The following ASIC2 variants were observed in gnomAD, a reference collection of about 807,000 sequenced individuals.
ASIC2 encodes the protein acid-sensing ion channel 2.
ASIC2 carries 25 observed loss-of-function variants against 57.3 expected under a neutral mutation model. The ratio of observed to expected loss-of-function variants is 0.44; its 90% CI spans 0.32 to 0.61. The LOEUF is 0.61. ASIC2 is among the 20% of genes least tolerant of loss of function. The probability of loss-of-function intolerance (pLI) is 0.06; values close to 1 mark genes in which losing one functional copy is unlikely to be tolerated. For missense variants in ASIC2, 641 were observed against 738.1 expected (o/e 0.87, Z 1.52); for synonymous variants, 319 against 307.5 (o/e 1.04, Z -0.39).
chr17:33,579,770 G>A lies in ASIC2; in HGVS notation c.556-467703C>T, dbSNP rs181850511. Among the ~76,000 whole-genome samples, 247 of 152,296 alleles carry A rather than the reference G, an allele frequency of 1.6e-3. 5 individuals carry two copies. The highest frequency in any genetic ancestry group is 5.3e-4 in the Non-Finnish European group (36 of 68,036). On this transcript the variant is annotated intron_variant, in intron 1 of 9. Coordinates refer to the ASIC2 transcript ENST00000359872. The stretch of plus-strand genomic sequence containing the variant: ...AAACAGCAGCAAAACTCATTCAGAA[G>A]AGCAAAAGAACAAACTACCACACCG...
intron 1 of ASIC2, among the ~76,000 whole-genome samples, chr17:33,313,444 C>G (rs575995370): frequency 3.3e-5 from 5 of 152,086 alleles, no homozygotes; most frequent in Non-Finnish European, 4.4e-5. Flanking sequence ...TTATTCTTTT[C>G]TTACCCTTTA....
At chr17:33,379,548 G>C (rs117312606) in intron 1 of ASIC2, among the ~76,000 whole-genome samples, 1 of 152,058 alleles carries the variant, frequency 6.6e-6, no homozygotes, top group South Asian at 2.1e-4. Context: ...CTTCTGTTTC[G>C]CTCTTCAAAC....
At chr17:33,276,507 C>T (rs1904711372) in intron 1 of ASIC2, among the ~76,000 whole-genome samples, 1 of 152,218 alleles carries the variant, frequency 6.6e-6, no homozygotes, top group African/African-American at 2.4e-5. Context: ...TTACTGTGAT[C>T]AAGCCAGAGG....
chr17:33,521,411 A>G (rs1914738340), intron 1 of ASIC2, among the ~76,000 whole-genome samples: 1 of 152,220 alleles, frequency 6.6e-6, no homozygotes, highest in Non-Finnish European at 1.5e-5. Context: ...ACACAGGGAC[A>G]CAAGAGGTAC....
Position 33,740,862 on chromosome 17 carries a change from G to A in ASIC2, c.555+415116C>T, listed in dbSNP as rs564891888. The stretch of plus-strand genomic sequence containing the variant: ...TGGCTATATAGGAAAATGAATCTAG[G>A]ACTCTGCTAGAGTCTCTAAAAATAT... On this transcript the variant is annotated intron_variant, in intron 1 of 9. Coordinates refer to the ASIC2 transcript ENST00000359872. Among the ~76,000 whole-genome samples, 14 of 152,280 alleles carry A rather than the reference G, an allele frequency of 9.2e-5. No individual in the cohort carries two copies. The East Asian group carries it at 2.3e-3, about 25-fold the overall frequency.
chr17:33,213,331 C>T (rs1334868245), intron 1 of ASIC2, among the ~76,000 whole-genome samples: 1 of 152,190 alleles, frequency 6.6e-6, no homozygotes, highest in Non-Finnish European at 1.5e-5. Flanking sequence ...GATCTGAAGG[C>T]TCTGAAGATG....
chr17:33,101,599 C>A (rs2092212299), intron 2 of ASIC2, among the ~76,000 whole-genome samples: 1 of 152,164 alleles, frequency 6.6e-6, no homozygotes, highest in South Asian at 2.1e-4. Flanking sequence ...ATGTAGGAAT[C>A]ATCTACAATC....
chr17:33,554,398 G>A (rs556961953), intron 1 of ASIC2, among the ~76,000 whole-genome samples: 4 of 152,160 alleles, frequency 2.6e-5, no homozygotes, highest in South Asian at 2.1e-4. Flanking sequence ...ACGTGTGCAC[G>A]TGTGGTGGAT....
chr17:33,388,161 G>A (rs1465499449), intron 1 of ASIC2, among the ~76,000 whole-genome samples: 1 of 152,206 alleles, frequency 6.6e-6, no homozygotes, highest in Non-Finnish European at 1.5e-5. Context: ...TGTGATCACT[G>A]AGGCAGATTG....
chr17:34,108,284 A>AT (rs1269503818), intron 1 of ASIC2, among the ~76,000 whole-genome samples: 2 of 152,050 alleles, frequency 1.3e-5, no homozygotes, highest in Non-Finnish European at 2.9e-5. Context: ...CTGTTCATGC[A>AT]TTTTTTTATA....
chr17:33,250,560 G>A (rs1284309773), intron 1 of ASIC2, among the ~76,000 whole-genome samples: 1 of 152,234 alleles, frequency 6.6e-6, no homozygotes, highest in Non-Finnish European at 1.5e-5. Flanking sequence ...CCATGTTCTC[G>A]GGCAAGTCAC....
chr17:33,215,170 T>C (rs112571613), intron 1 of ASIC2, among the ~76,000 whole-genome samples: 11 of 152,346 alleles, frequency 7.2e-5, no homozygotes, highest in African/African-American at 2.6e-4. Flanking sequence ...ATAGAATAGA[T>C]ACTTTAAAAG....
intron 1 of ASIC2, among the ~76,000 whole-genome samples, chr17:33,120,955 TATCTTTTTGGTTCTTC>T (rs889398961): frequency 3.9e-5 from 6 of 152,320 alleles, no homozygotes; most frequent in South Asian, 2.1e-4. Flanking sequence ...CTGATTTGGG[TATCTTTTTGGTTCTTC>T]ATCTTTTTGG....
intron 1 of ASIC2, among the ~76,000 whole-genome samples, chr17:33,747,854 G>A (rs9894400): frequency 0.012 from 1,768 of 152,238 alleles, 33 homozygotes; most frequent in African/African-American, 0.039. Context: ...TCTGACAGGC[G>A]GGCCTCACCT....
chr17:33,688,590 T>A (rs574431564), intron 1 of ASIC2, among the ~76,000 whole-genome samples: 1 of 152,364 alleles, frequency 6.6e-6, no homozygotes, highest in South Asian at 2.1e-4. Flanking sequence ...TGTTGTATTA[T>A]GTAAAATTAC....
chr17:33,991,390 A>G (rs1905995491), intron 1 of ASIC2, among the ~76,000 whole-genome samples: 1 of 152,184 alleles, frequency 6.6e-6, no homozygotes, highest in African/African-American at 2.4e-5. Flanking sequence ...TTCTCTTTCT[A>G]CACTACCACT....
At chr17:33,221,184 TA>T (rs1907678773) in intron 1 of ASIC2, among the ~76,000 whole-genome samples, 1 of 152,222 alleles carries the variant, frequency 6.6e-6, no homozygotes, top group South Asian at 2.1e-4. Context: ...GGCTCTGTTG[TA>T]AATCCAAATG....
At chr17:33,325,364 G>A (rs1478380266) in intron 1 of ASIC2, among the ~76,000 whole-genome samples, 1 of 152,218 alleles carries the variant, frequency 6.6e-6, no homozygotes, top group Non-Finnish European at 1.5e-5. Context: ...GGTACCTGCA[G>A]GCTGAACAGA....
intron 1 of ASIC2, among the ~76,000 whole-genome samples, chr17:33,218,913 T>C (rs1251641424): frequency 6.6e-6 from 1 of 152,146 alleles, no homozygotes; most frequent in Non-Finnish European, 1.5e-5. Flanking sequence ...GCCACGCATG[T>C]TTTCCAACCA....
Sources: allele counts gnomAD v4.1 joint callset (sites outside exome capture counted in the v4.1 genomes callset), GRCh38; gene constraint gnomAD v4.1.1; transcripts MANE v1.5; gene names NCBI Gene and HGNC (gene_info 2026-07-23, HGNC 2026-07-21).